The following CPED1 variants were observed in gnomAD, a reference collection of about 807,000 sequenced individuals.
CPED1 encodes cadherin like and PC-esterase domain containing 1.
In CPED1, 114 loss-of-function variants were observed where a neutral mutation model predicts 128.2. The observed-to-expected ratio is 0.89, with a 90% CI of 0.76 to 1.04. The LOEUF is 1.04. Ranked by LOEUF, CPED1 falls within the 50% of genes least tolerant of loss-of-function variation. The pLI, the probability that CPED1 is intolerant of heterozygous loss-of-function variation, is 0.00. For synonymous variants in CPED1, 462 were observed against 426.7 expected (o/e 1.08, Z -1.02); for missense variants, 1,211 against 1,207.1 (o/e 1.00, Z -0.05).
intron 3 of CPED1, among the ~76,000 whole-genome samples, chr7:121,041,652 C>A (rs1056557819): frequency 5.9e-5 from 9 of 152,024 alleles, no homozygotes; most frequent in South Asian, 2.1e-4. Flanking sequence ...TTTATGGCAG[C>A]CTGTCTATGA....
chr7:121,245,905 C>T (rs571899373), intron 18 of CPED1, among the ~76,000 whole-genome samples: 1 of 152,094 alleles, frequency 6.6e-6, no homozygotes, highest in South Asian at 2.1e-4. Context: ...TTGGCCAGGG[C>T]TGGTCTCGAA....
intron 19 of CPED1, 120 bp from the exon 20 acceptor site, chr7:121,266,587 G>A: frequency 2.6e-6 from 3 of 1,162,374 alleles, no homozygotes; most frequent in Non-Finnish European, 1.3e-6. Context: ...AAAACAAGTT[G>A]GAAAGTACAA....
At chr7:121,207,481 TTA>T (rs1255521721) in intron 16 of CPED1, among the ~76,000 whole-genome samples, 1 of 151,992 alleles carries the variant, frequency 6.6e-6, no homozygotes, top group East Asian at 1.9e-4. Flanking sequence ...CTTCATTAAT[TTA>T]TATGTGTCGC....
chr7:121,229,887 A>G (rs1386589354), intron 16 of CPED1, among the ~76,000 whole-genome samples: 1 of 152,056 alleles, frequency 6.6e-6, no homozygotes, highest in African/African-American at 2.4e-5. Context: ...TTATGGAAAC[A>G]TCACAGAAAG....
At position 121,275,908 on chromosome 7, in the gene CPED1, AAAAG is replaced by A. The variant is rs373725580; in HGVS notation, c.2868+4486_2868+4489del. Among the ~76,000 whole-genome samples, 469 of 152,014 alleles carry A rather than the reference AAAAG, an allele frequency of 3.1e-3. 3 individuals are homozygous for A. The highest frequency in any genetic ancestry group is 0.011 in the African/African-American group (453 of 41,510). On this transcript the variant is annotated intron_variant, in intron 22 of 22. Coordinates refer to ENST00000310396, the MANE Select transcript of CPED1 (RefSeq NM_024913.5). ...CTATCTAACCACAATTTAAAAATTAAAAAGAAAGAAACTTTAAATTCATCCGGTA... is the reference window on the plus strand; with the variant it reads ...CTATCTAACCACAATTTAAAAATTAAAAAGAAACTTTAAATTCATCCGGTA...
At chr7:121,049,054 C>T (rs1793284394) in intron 4 of CPED1, among the ~76,000 whole-genome samples, 1 of 152,194 alleles carries the variant, frequency 6.6e-6, no homozygotes, top group Non-Finnish European at 1.5e-5. Context: ...TGCTTACAAT[C>T]TTGAATGGCT....
intron 16 of CPED1, among the ~76,000 whole-genome samples, chr7:121,230,322 C>A (rs1344439450): frequency 6.6e-6 from 1 of 151,892 alleles, no homozygotes; most frequent in African/African-American, 2.4e-5. Flanking sequence ...GCTTGGGCAC[C>A]GAATCTTCCA....
chr7:121,097,700 A>G lies in CPED1; in HGVS notation c.618A>G (p.Glu206=). The change falls in exon 6 of 23, where the codon GAA becomes GAG. Residue 206 remains glutamate (E), a splice_region_variant and synonymous_variant. Coordinates refer to ENST00000310396, the MANE Select transcript of CPED1 (RefSeq NM_024913.5). Reference sequence around the variant, plus strand: ...TTCTGCTCTCTTGAATCTTTTCAGAACTGCAACTTCCAGTGAGTCCCTCTG... The same window carrying G: ...TTCTGCTCTCTTGAATCTTTTCAGAGCTGCAACTTCCAGTGAGTCCCTCTG... ...GLCQIVRRFP[E]LQLPVSPSVC... is the part of the protein sequence containing the mutation. The G allele has an allele frequency of 1.2e-6, 2 of 1,613,420 alleles. No individual in the cohort carries two copies. The highest frequency in any genetic ancestry group is 1.7e-6 in the Non-Finnish European group (2 of 1,179,642).
intron 17 of CPED1, among the ~76,000 whole-genome samples, chr7:121,240,335 A>G (rs1431952644): frequency 6.6e-6 from 1 of 152,120 alleles, no homozygotes; most frequent in Non-Finnish European, 1.5e-5. Context: ...GTCTGGAGTA[A>G]GGGTAGGATG....
chr7:121,074,509 G>GTTTTTTTTTTT (rs1157885862), intron 5 of CPED1, among the ~76,000 whole-genome samples: 6,108 of 80,410 alleles, frequency 0.076, 591 homozygotes, highest in Admixed American at 0.095. Flanking sequence ...TTTCCTTTGT[G>GTTTTTTTTTTT]TTTTTTTTTT....
chr7:121,147,462 A>T (rs1796048382), intron 16 of CPED1, among the ~76,000 whole-genome samples: 1 of 152,168 alleles, frequency 6.6e-6, no homozygotes. Context: ...TTAGAAAGTA[A>T]TAAACTGTTA....
chr7:121,253,057 C>T (rs558874134), intron 18 of CPED1, among the ~76,000 whole-genome samples: 1 of 152,046 alleles, frequency 6.6e-6, no homozygotes, highest in African/African-American at 2.4e-5. Flanking sequence ...GACTTGGAAC[C>T]AAGCCAAATG....
At chr7:120,993,034 A>G (rs1394396890) in intron 2 of CPED1, among the ~76,000 whole-genome samples, 2 of 152,192 alleles carry the variant, frequency 1.3e-5, no homozygotes, top group African/African-American at 4.8e-5. Flanking sequence ...TGAATAATGC[A>G]AAGGGCTTGG....
intron 3 of CPED1, among the ~76,000 whole-genome samples, chr7:121,023,785 C>G: frequency 6.6e-6 from 1 of 152,212 alleles, no homozygotes; most frequent in South Asian, 2.1e-4. Flanking sequence ...TTTCTTTCCC[C>G]CCTCTAGCCC....
intron 16 of CPED1, among the ~76,000 whole-genome samples, chr7:121,163,589 T>A (rs1163955982): frequency 6.6e-6 from 1 of 152,242 alleles, no homozygotes; most frequent in Non-Finnish European, 1.5e-5. Context: ...TTGTTCCAAA[T>A]TTGAAATCTT....
chr7:121,121,920 T>C (rs1486584106), intron 7 of CPED1, among the ~76,000 whole-genome samples: 3 of 152,214 alleles, frequency 2.0e-5, no homozygotes, highest in Non-Finnish European at 2.9e-5. Flanking sequence ...CAAATTGCAG[T>C]GTAACCGGAC....
chr7:121,031,807 A>G (rs1792742233), intron 3 of CPED1, among the ~76,000 whole-genome samples: 1 of 152,244 alleles, frequency 6.6e-6, no homozygotes, highest in Admixed American at 6.5e-5. Context: ...CATTTAAAAT[A>G]ATTTTATTTG....
intron 3 of CPED1, among the ~76,000 whole-genome samples, chr7:121,022,990 G>A (rs12666371): frequency 0.24 from 36,379 of 150,902 alleles, 4,687 homozygotes; most frequent in East Asian, 0.42. Flanking sequence ...GTAAATCATT[G>A]TTTTACTTCA....
At chr7:121,068,473 T>C (rs979527784) in intron 5 of CPED1, among the ~76,000 whole-genome samples, 3 of 152,094 alleles carry the variant, frequency 2.0e-5, no homozygotes, top group Middle Eastern at 6.8e-3. Flanking sequence ...CATTGGTCTA[T>C]ATCTCTGTTT....
Sources: allele counts gnomAD v4.1 joint callset (sites outside exome capture counted in the v4.1 genomes callset), GRCh38; gene constraint gnomAD v4.1.1; transcripts MANE v1.5; gene names NCBI Gene and HGNC (gene_info 2026-07-23, HGNC 2026-07-21).